The following CCSER1 variants were observed in gnomAD, a reference collection of about 807,000 sequenced individuals.
CCSER1 encodes coiled-coil serine rich protein 1.
Under a neutral mutation model 82.0 loss-of-function variants are expected in CCSER1, and 41 were observed. The observed-to-expected ratio is 0.50, with a 90% CI of 0.39 to 0.65. CCSER1 has a LOEUF of 0.65. Ranked by LOEUF, CCSER1 falls within the 30% of genes least tolerant of loss-of-function variation. CCSER1 has a pLI of 0.00. For missense variants in CCSER1, 1,119 were observed against 1,064.2 expected, an observed-to-expected ratio of 1.05 and a Z score of -0.72; for synonymous variants, 414 against 383.9, an observed-to-expected ratio of 1.08 and a Z score of -0.92.
chr4:91,221,911 C>T (rs980866564), intron 10 of CCSER1, among the ~76,000 whole-genome samples: 3 of 151,596 alleles, frequency 2.0e-5, no homozygotes, highest in South Asian at 2.1e-4. Flanking sequence ...ACATATTGTC[C>T]GAAAGGGAAA....
chr4:91,377,893 T>G (rs375757581), intron 10 of CCSER1, among the ~76,000 whole-genome samples: 8 of 152,358 alleles, frequency 5.3e-5, no homozygotes, highest in Admixed American at 2.0e-4. Flanking sequence ...GTCTAACATT[T>G]AAGTCTTTAA....
chr4:91,386,742 A>G (rs1469141336), intron 10 of CCSER1, among the ~76,000 whole-genome samples: 3 of 152,072 alleles, frequency 2.0e-5, no homozygotes, highest in Non-Finnish European at 4.4e-5. Context: ...GTGACAGCCT[A>G]CAAAGCACAC....
intron 1 of CCSER1, among the ~76,000 whole-genome samples, chr4:90,157,607 G>A (rs867058734): frequency 4.0e-5 from 6 of 151,868 alleles, no homozygotes; most frequent in Admixed American, 2.0e-4. Context: ...TTCCCTTCTC[G>A]CTTCATTTCA....
chr4:91,392,009 T>A (rs890626104), intron 10 of CCSER1, among the ~76,000 whole-genome samples: 3 of 152,096 alleles, frequency 2.0e-5, no homozygotes, highest in African/African-American at 7.2e-5. Context: ...AGACATATTA[T>A]TCATATGTGC....
At chr4:90,431,873 A>C (rs1758317539) in intron 4 of CCSER1, among the ~76,000 whole-genome samples, 1 of 152,208 alleles carries the variant, frequency 6.6e-6, no homozygotes, top group Admixed American at 6.5e-5. Flanking sequence ...CAGTCCTTCC[A>C]CTAGCCTTGG....
At position 90,308,688 on chromosome 4, in the gene CCSER1, T is replaced by C. The variant is rs765241852; in HGVS notation, c.404T>C (p.Phe135Ser). Residue 135 changes from phenylalanine to serine, a missense_variant, in exon 2 of 11, where the codon TTT (phenylalanine) becomes TCT (serine). By Grantham distance (155) the Phe-to-Ser change is radical (BLOSUM62 -2). Transcript: ENST00000509176. ...ATAACAAGATCTTTGACAGAGGATT[T>C]TGAAAGGGAAAAAGAGCACTCAACT... is the stretch of plus-strand genomic sequence containing the variant. ...KKITRSLTED[F>S]EREKEHSTNK... 1.9e-6 allele frequency: 3 copies of C among 1,613,448 alleles called. No individual in the cohort carries two copies. The highest frequency in any genetic ancestry group is 2.5e-6 in the Non-Finnish European group (3 of 1,179,770).
chr4:90,785,579 A>C (rs1401854668), intron 7 of CCSER1, among the ~76,000 whole-genome samples: 2 of 152,224 alleles, frequency 1.3e-5, no homozygotes, highest in Non-Finnish European at 2.9e-5. Flanking sequence ...TGAAAAATAC[A>C]GTTTCTATGT....
chr4:90,692,449 A>G (rs1187273158), intron 6 of CCSER1, among the ~76,000 whole-genome samples: 4 of 151,934 alleles, frequency 2.6e-5, no homozygotes, highest in South Asian at 4.1e-4. Flanking sequence ...TACATGGGCA[A>G]CTAAATTTAA....
chr4:90,231,232 T>C (rs1744467964), intron 1 of CCSER1, among the ~76,000 whole-genome samples: 1 of 152,086 alleles, frequency 6.6e-6, no homozygotes, highest in African/African-American at 2.4e-5. Flanking sequence ...AATAAAATAC[T>C]GGCAAACTGA....
At chr4:90,377,746 T>A (rs1263254654) in intron 3 of CCSER1, among the ~76,000 whole-genome samples, 6 of 152,110 alleles carry the variant, frequency 3.9e-5, no homozygotes, top group Non-Finnish European at 2.9e-5. Flanking sequence ...AATGTAATAT[T>A]TCATAATAGA....
At chr4:90,602,102 G>A (rs1784103101) in intron 5 of CCSER1, among the ~76,000 whole-genome samples, 1 of 152,034 alleles carries the variant, frequency 6.6e-6, no homozygotes, top group Non-Finnish European at 1.5e-5. Flanking sequence ...ATGTCTACTT[G>A]TTCAACCAGC....
chr4:90,298,559 T>G (rs937231497), intron 1 of CCSER1, among the ~76,000 whole-genome samples: 3 of 152,084 alleles, frequency 2.0e-5, no homozygotes, highest in Admixed American at 6.6e-5. Flanking sequence ...TTGCTCTTGC[T>G]TTTCTGGTTC....
At chr4:91,517,046 T>C (rs1478019678) in intron 10 of CCSER1, among the ~76,000 whole-genome samples, 2 of 152,230 alleles carry the variant, frequency 1.3e-5, no homozygotes, top group Non-Finnish European at 2.9e-5. Flanking sequence ...TGTACATTGA[T>C]TTCTTATCCT....
At chr4:91,384,340 A>G (rs1445264672) in intron 10 of CCSER1, among the ~76,000 whole-genome samples, 3 of 152,144 alleles carry the variant, frequency 2.0e-5, no homozygotes, top group Admixed American at 6.6e-5. Flanking sequence ...TGGGAAAACA[A>G]TTCCAATATT....
chr4:90,440,753 A>T (rs1172734907), intron 4 of CCSER1, among the ~76,000 whole-genome samples: 2 of 152,140 alleles, frequency 1.3e-5, no homozygotes, highest in Non-Finnish European at 2.9e-5. Flanking sequence ...CAAGCGACTC[A>T]TGTTTATTTT....
chr4:91,224,598 C>A (rs867781476), intron 10 of CCSER1, among the ~76,000 whole-genome samples: 1 of 152,008 alleles, frequency 6.6e-6, no homozygotes, highest in African/African-American at 2.4e-5. Flanking sequence ...TTAATCTTAT[C>A]TATATGGACA....
chr4:91,118,736 CTCTT>C (rs1457858049), intron 10 of CCSER1, among the ~76,000 whole-genome samples: 5 of 152,278 alleles, frequency 3.3e-5, no homozygotes, highest in Admixed American at 2.6e-4. Flanking sequence ...TACTTCAGTG[CTCTT>C]TCTGTCTCTT....
At chr4:91,428,816 C>G (rs188692434) in intron 10 of CCSER1, among the ~76,000 whole-genome samples, 57 of 151,918 alleles carry the variant, frequency 3.8e-4, no homozygotes, top group Non-Finnish European at 6.9e-4. Context: ...GAAATTCAAT[C>G]GAATGAAAAG....
chr4:90,862,039 T>C (rs997096413), intron 8 of CCSER1, among the ~76,000 whole-genome samples: 10 of 151,114 alleles, frequency 6.6e-5, no homozygotes, highest in African/African-American at 1.9e-4. Context: ...TAAAGAAATA[T>C]ATTAGAGTCC....
Sources: allele counts gnomAD v4.1 joint callset (sites outside exome capture counted in the v4.1 genomes callset), GRCh38; gene constraint gnomAD v4.1.1; transcripts MANE v1.5; gene names NCBI Gene and HGNC (gene_info 2026-07-23, HGNC 2026-07-21).